TMEM233: variants seen among roughly 807,000 people sequenced by gnomAD.
TMEM233 encodes transmembrane protein 233, also known as dispanin subfamily B member 2.
Under a neutral mutation model 11.2 loss-of-function variants are expected in TMEM233, and 6 were observed. The observed-to-expected ratio is 0.54, with a 90% CI of 0.29 to 1.06. The LOEUF is 1.06. Ranked by LOEUF, TMEM233 falls within the 50% of genes least tolerant of loss-of-function variation. The pLI is 0.08. For missense variants in TMEM233, 127 were observed against 144.7 expected (o/e 0.88, Z 0.63); for synonymous variants, 59 against 55.8 (o/e 1.06, Z -0.26).
chr12:119,619,660 A>G (rs966574608), intron 1 of TMEM233, among the ~76,000 whole-genome samples: 1 of 151,794 alleles, frequency 6.6e-6, no homozygotes, highest in Non-Finnish European at 1.5e-5. Flanking sequence ...AAAAAAACAC[A>G]CTGACACTGG....
Position 119,626,528 on chromosome 12 carries a change from A to G in TMEM233, c.187-3208A>G, listed in dbSNP as rs867135302. ...GAGGAGGAGGAGGAGGAGAAGGGAGAAGGGAGAAGGGAGAAGAGAAGAGAA... is the reference window on the plus strand; with the variant it reads ...GAGGAGGAGGAGGAGGAGAAGGGAGGAGGGAGAAGGGAGAAGAGAAGAGAA... On this transcript the variant is annotated intron_variant, in intron 1 of 2. Coordinates refer to ENST00000426426, the MANE Select transcript of TMEM233 (RefSeq NM_001136534.3). 4.3e-4 allele frequency among the ~76,000 whole-genome samples: 19 copies of G among 44,242 alleles called. 2 individuals carry two copies. Among genetic ancestry groups the G allele is most frequent in the African/African-American group, 1.1e-3 (15 of 13,382 alleles). 29.0% of individuals were successfully genotyped at this position (44,242 alleles called of 152,430 possible).
chr12:119,619,108 G>A (rs2136733179), intron 1 of TMEM233, among the ~76,000 whole-genome samples: 1 of 152,176 alleles, frequency 6.6e-6, no homozygotes, highest in Admixed American at 6.5e-5. Context: ...GTTTTATAAG[G>A]GGCTTCCTCC....
chr12:119,594,174 C>T lies in TMEM233; in HGVS notation c.186+140C>T, dbSNP rs1020104509. 15 of 790,192 alleles carry T rather than the reference C, an allele frequency of 1.9e-5. No homozygotes were observed. The highest frequency in any genetic ancestry group is 3.0e-5 in the Non-Finnish European group (15 of 502,712). The allele number at this position is 790,192 out of a possible 1,614,324, so 48.9% of individuals were successfully genotyped here. On this transcript the variant is annotated intron_variant, in intron 1 of 2. Transcript: ENST00000426426. This position sits in a 1 kb window ranked among gnomAD's most constrained non-coding sequence, Gnocchi z 5.6. ...TAGGTGTTCTTTGTCCTCGCACCTCCTCCTCACCTTTCTCGGGCTCTCAGA... is the reference window on the plus strand; with the variant it reads ...TAGGTGTTCTTTGTCCTCGCACCTCTTCCTCACCTTTCTCGGGCTCTCAGA...
intron 2 of TMEM233, among the ~76,000 whole-genome samples, chr12:119,630,748 C>T (rs1954862960): frequency 6.6e-6 from 1 of 152,172 alleles, no homozygotes; most frequent in Admixed American, 6.5e-5. Context: ...GTCACGTAAT[C>T]CCACCTAACT....
intron 1 of TMEM233, among the ~76,000 whole-genome samples, chr12:119,603,080 C>T (rs1206396474): frequency 1.3e-5 from 2 of 151,844 alleles, no homozygotes; most frequent in Non-Finnish European, 2.9e-5. Context: ...CATGATAAAA[C>T]CCCGTCCCTA....
At position 119,641,605 on chromosome 12, in the gene TMEM233, T is replaced by C. The variant is rs1203140720; in HGVS notation, c.*900T>C. On this transcript the variant is annotated 3_prime_UTR_variant, in exon 3 of 3. Coordinates refer to ENST00000426426, the MANE Select transcript of TMEM233 (RefSeq NM_001136534.3). ...TGCCACCCATTGTGTTTCTTTTCTGTCAAATGTAAACCCTTTAGATGTGAA... is the reference window on the plus strand; with the variant it reads ...TGCCACCCATTGTGTTTCTTTTCTGCCAAATGTAAACCCTTTAGATGTGAA... The C allele has an allele frequency of 6.6e-6, 1 of 152,222 alleles. No individual in the cohort carries two copies. The highest frequency in any genetic ancestry group is 2.4e-5 in the African/African-American group (1 of 41,458). The allele number at this position is 152,222 out of a possible 1,614,324, so 9.4% of individuals were successfully genotyped here.
At chr12:119,645,695 C>T (rs984656683), downstream of TMEM233, among the ~76,000 whole-genome samples, 4 of 152,164 alleles carry the variant, frequency 2.6e-5, no homozygotes, top group Non-Finnish European at 1.5e-5. Context: ...TTCCAAACCT[C>T]GGGTGAGCAG....
intron 1 of TMEM233, among the ~76,000 whole-genome samples, chr12:119,598,214 G>A (rs1475470235): frequency 6.6e-6 from 1 of 152,138 alleles, no homozygotes; most frequent in Non-Finnish European, 1.5e-5. Context: ...TGCCCTCCTG[G>A]ATCTCAAAGA....
intron 1 of TMEM233, among the ~76,000 whole-genome samples, chr12:119,612,284 C>T (rs11064842): frequency 0.38 from 56,953 of 151,758 alleles, 12,350 homozygotes; most frequent in East Asian, 0.56. Flanking sequence ...TGAGCCACTG[C>T]GCCCAGCCCT....
intron 2 of TMEM233, among the ~76,000 whole-genome samples, chr12:119,634,630 AAAAC>A: frequency 6.6e-6 from 1 of 152,272 alleles, no homozygotes; most frequent in East Asian, 1.9e-4. Flanking sequence ...AACAAAAACA[AAAAC>A]AAAACCTGTC....
chr12:119,604,134 G>A (rs1207585794), intron 1 of TMEM233, among the ~76,000 whole-genome samples: 1 of 152,214 alleles, frequency 6.6e-6, no homozygotes, highest in Non-Finnish European at 1.5e-5. Context: ...ATCCAAAAAT[G>A]TGAGCCTGAA....
intron 1 of TMEM233, among the ~76,000 whole-genome samples, chr12:119,626,900 C>CT (rs1227877032): frequency 3.3e-5 from 5 of 152,220 alleles, no homozygotes; most frequent in Non-Finnish European, 7.3e-5. Context: ...AGACACCACT[C>CT]TAAGTACTAG....
At chr12:119,653,834 A>G in the TMEM233 span, among the ~76,000 whole-genome samples, 132 of 152,252 alleles carry the variant, frequency 8.7e-4, no homozygotes, top group South Asian at 5.8e-3. Context: ...AGTATCAAGC[A>G]TTCTACCATA....
At chr12:119,649,778 C>T in the TMEM233 span, among the ~76,000 whole-genome samples, 2 of 142,314 alleles carry the variant, frequency 1.4e-5, no homozygotes, top group African/African-American at 2.6e-5. Context: ...ACTGGCTCAG[C>T]GGGGCTTGTT....
At chr12:119,601,623 A>G (rs4767831) in intron 1 of TMEM233, among the ~76,000 whole-genome samples, 59,466 of 147,916 alleles carry the variant, frequency 0.4, 12,634 homozygotes, top group East Asian at 0.56. Flanking sequence ...GCGCCACTGC[A>G]CTCCAGCCTG....
In TMEM233 at chr12:119,640,771, T is replaced by C; in HGVS notation, c.*66T>C. 2 of 1,532,664 alleles carry C rather than the reference T, an allele frequency of 1.3e-6. No homozygotes were observed. Among genetic ancestry groups the C allele is most frequent in the Non-Finnish European group, 1.8e-6 (2 of 1,132,664 alleles). 94.9% of individuals were successfully genotyped at this position (1,532,664 alleles called of 1,614,324 possible). On this transcript the variant is annotated 3_prime_UTR_variant, in exon 3 of 3. Transcript: ENST00000426426. ...CTCATCCACACACACCCCAAAGGAG[T>C]TTCTAAGGAATGGATCCTTGACTTC...
chr12:119,636,973 G>A (rs1341010153), intron 2 of TMEM233, among the ~76,000 whole-genome samples: 1 of 152,140 alleles, frequency 6.6e-6, no homozygotes, highest in Non-Finnish European at 1.5e-5. Flanking sequence ...TGTTCCTTGG[G>A]TTGAGAGCCC....
At chr12:119,634,304 G>C in intron 2 of TMEM233, 1 of 984,002 alleles carries the variant, frequency 1.0e-6, no homozygotes, top group Non-Finnish European at 1.2e-6. Context: ...TTTTCTGAAA[G>C]TATTCATTCC....
intron 2 of TMEM233, among the ~76,000 whole-genome samples, chr12:119,632,427 C>G (rs557234139): frequency 9.9e-5 from 15 of 152,284 alleles, no homozygotes; most frequent in African/African-American, 3.6e-4. Flanking sequence ...CACCCAGTAA[C>G]AAAGGCCAGT....
Sources: allele counts gnomAD v4.1 joint callset (sites outside exome capture counted in the v4.1 genomes callset), GRCh38; gene constraint gnomAD v4.1.1; non-coding constraint Gnocchi (gnomAD v3.1); transcripts MANE v1.5; gene names NCBI Gene and HGNC (gene_info 2026-07-23, HGNC 2026-07-21).